The following NCAPG2 variants were observed in gnomAD, a reference collection of about 807,000 sequenced individuals.
NCAPG2 encodes condensin-2 complex subunit G2.
NCAPG2 carries 53 observed loss-of-function variants against 141.1 expected under a neutral mutation model. The observed-to-expected ratio is 0.38, with a 90% confidence interval of 0.30 to 0.47. The LOEUF (loss-of-function observed/expected upper bound fraction) is 0.47. Among genes scored for constraint, NCAPG2 ranks in the 20% least tolerant of loss-of-function variants. NCAPG2 has a pLI of 0.99. For synonymous variants in NCAPG2, 499 were observed against 490.7 expected (o/e 1.02, Z -0.22); for missense variants, 1,087 against 1,389.0 (o/e 0.78, Z 3.46).
At chr7:158,643,267 G>A (rs964760987) in intron 27 of NCAPG2, among the ~76,000 whole-genome samples, 1 of 152,130 alleles carries the variant, frequency 6.6e-6, no homozygotes, top group African/African-American at 2.4e-5. Context: ...TTTTAGTAGA[G>A]ACAGGGTTTT....
chr7:158,641,464 C>A, intron 27 of NCAPG2: 1 of 656,162 alleles, frequency 1.5e-6, no homozygotes, highest in South Asian at 1.7e-5. Context: ...GCCTGCAGTC[C>A]TAGCCAATTG....
chr7:158,684,334 T>A (rs4909260), intron 8 of NCAPG2, among the ~76,000 whole-genome samples: 69,668 of 152,148 alleles, frequency 0.46, 19,055 homozygotes, highest in Non-Finnish European at 0.6. Flanking sequence ...GCCAATGGCA[T>A]AGATTTTAAG....
At chr7:158,664,036 C>T in intron 15 of NCAPG2, 148 bp downstream of exon 15, 2 of 672,536 alleles carry the variant, frequency 3.0e-6, no homozygotes, top group Non-Finnish European at 5.1e-6. Context: ...AATTCTTTCA[C>T]AAATGTTATT....
At chr7:158,660,923 C>T (rs1179008447) in intron 16 of NCAPG2, among the ~76,000 whole-genome samples, 5 of 152,100 alleles carry the variant, frequency 3.3e-5, no homozygotes, top group Admixed American at 3.3e-4. Flanking sequence ...TCCCTTTGTG[C>T]TTGGCTCTCA....
intron 13 of NCAPG2, 49 bp downstream of exon 13, chr7:158,671,463 AAC>A: frequency 6.2e-7 from 1 of 1,600,104 alleles, no homozygotes; most frequent in Non-Finnish European, 8.6e-7. Context: ...CTGTTTGATG[AAC>A]ACATGTCCCT....
chr7:158,654,258 C>T (rs1427280978), intron 22 of NCAPG2, among the ~76,000 whole-genome samples: 2 of 152,170 alleles, frequency 1.3e-5, no homozygotes, highest in African/African-American at 4.8e-5. Flanking sequence ...GAGCACATGA[C>T]CAGAGCAGAG....
intron 15 of NCAPG2, among the ~76,000 whole-genome samples, chr7:158,663,803 T>G (rs956814029): frequency 6.6e-6 from 1 of 152,244 alleles, no homozygotes; most frequent in African/African-American, 2.4e-5. Flanking sequence ...TCTAATATAA[T>G]TGGTTGCTTT....
chr7:158,690,090 A>G, intron 5 of NCAPG2, 137 bp from the exon 6 acceptor site: 1 of 957,382 alleles, frequency 1.0e-6, no homozygotes, highest in Non-Finnish European at 1.4e-6. Flanking sequence ...ACAAATAAAA[A>G]CAGATTTTAA....
chr7:158,700,710 T>C (rs372850743), intron 2 of NCAPG2, among the ~76,000 whole-genome samples: 3 of 152,048 alleles, frequency 2.0e-5, no homozygotes, highest in African/African-American at 7.2e-5. Flanking sequence ...GAAAAATGAT[T>C]TCTTAAATGT....
chr7:158,658,909 G>T (rs1321235001), intron 16 of NCAPG2, among the ~76,000 whole-genome samples: 2 of 152,014 alleles, frequency 1.3e-5, no homozygotes, highest in African/African-American at 4.8e-5. Flanking sequence ...GGGGCATAGT[G>T]GCTCATGCCT....
In NCAPG2 at chr7:158,658,390, G is replaced by A. The variant is rs1832190578; in HGVS notation, c.2008C>T (p.Pro670Ser). The A allele has an allele frequency of 1.1e-5, 17 of 1,611,626 alleles. No homozygotes were observed. Among genetic ancestry groups the A allele is most frequent in the Non-Finnish European group, 1.4e-5 (17 of 1,178,648 alleles). ...ATAAAGGACATTAGCATGAATAAAG[G>A]GATCTTGCAGCGATCATCCTAAAAG... ...KVFKDDRCKI[P>S]LFMLMSFMPA... The change falls in exon 17 of 28, where the codon CCT becomes TCT. Residue 670 changes from proline to serine, a missense_variant. By Grantham distance (74) the Pro-to-Ser change is moderately conservative. Coordinates refer to ENST00000356309, the MANE Select transcript of NCAPG2 (RefSeq NM_017760.7).
Position 158,633,692 on chromosome 7 carries a change from C to T in NCAPG2, c.3381-1975G>A, listed in dbSNP as rs540436168. On this transcript the variant is annotated intron_variant, in intron 27 of 27. Coordinates refer to ENST00000356309, the MANE Select transcript of NCAPG2 (RefSeq NM_017760.7). This position sits in a 1 kb window ranked among gnomAD's most constrained non-coding sequence, Gnocchi z 4.1. ...GCAACTGCCTGGCTCAGCAGCAGTG[C>T]AGCCAGAGGCAAGACAGAGGAGAAC... Among the ~76,000 whole-genome samples, 1 of 152,228 alleles carries T rather than the reference C, an allele frequency of 6.6e-6. No individual in the cohort carries two copies. The highest frequency in any genetic ancestry group is 1.5e-5 in the Non-Finnish European group (1 of 68,034).
intron 27 of NCAPG2, chr7:158,640,445 A>G (rs979763075): frequency 3.9e-5 from 6 of 152,208 alleles, no homozygotes; most frequent in African/African-American, 1.4e-4. Flanking sequence ...AGGTACAAGA[A>G]TCGTTTGAAC....
rs146105755 is a variant in NCAPG2 at position 158,644,150 on chromosome 7, G to C, written c.3380+139C>G. On this transcript the variant is annotated intron_variant, in intron 27 of 27. Coordinates refer to ENST00000356309, the MANE Select transcript of NCAPG2 (RefSeq NM_017760.7). ...CGTAAGCTAAAGGTCTTTGCCAACA[G>C]AAACATTTCTCTCCTTAGAGTCCCC... 9.0e-4 allele frequency: 556 copies of C among 620,066 alleles called. 6 individuals are homozygous for C. The African/African-American group carries it at 9.0e-3, about 10-fold the overall frequency. The allele number at this position is 620,066 out of a possible 1,614,324, so 38.4% of individuals were successfully genotyped here.
Position 158,650,978 on chromosome 7 carries a change from A to G in NCAPG2, c.2935-6T>C, listed in dbSNP as rs1184176560. 1 of 1,567,298 alleles carries G rather than the reference A, an allele frequency of 6.4e-7. No homozygotes were observed. Among genetic ancestry groups the G allele is most frequent in the Non-Finnish European group, 8.6e-7 (1 of 1,164,376 alleles). ...CTCTGAACAGAATAAAGCAGCTACA[A>G]GAAAACACATACGTCACTTTTAATG... On this transcript the variant is annotated splice_region_variant and splice_polypyrimidine_tract_variant and intron_variant, in intron 23 of 27. Transcript: ENST00000356309.
At chr7:158,681,483 G>A (rs1156811539) in intron 9 of NCAPG2, among the ~76,000 whole-genome samples, 2 of 152,044 alleles carry the variant, frequency 1.3e-5, no homozygotes, top group Non-Finnish European at 2.9e-5. Flanking sequence ...CACCTTTTGG[G>A]GCTAAACTTT....
chr7:158,668,343 A>ACTGGGTCCCTCCGCCCTCCTTACCGACC (rs1833416487), intron 13 of NCAPG2: 1 of 908,780 alleles, frequency 1.1e-6, no homozygotes, highest in African/African-American at 2.9e-5. Context: ...CTTACCCACA[A>ACTGGGTCCCTCCGCCCTCCTTACCGACC]CTGGGTCCCT....
At chr7:158,640,108 T>A (rs952892590) in intron 27 of NCAPG2, 1 of 143,000 alleles carries the variant, frequency 7.0e-6, no homozygotes, top group Non-Finnish European at 1.5e-5. Context: ...ATATTCAACC[T>A]ACAGAAAAAT....
At chr7:158,677,525 C>CAAAAAAAAAAAAAAAAAAAA in intron 11 of NCAPG2, among the ~76,000 whole-genome samples, 11 of 90,404 alleles carry the variant, frequency 1.2e-4, no homozygotes, top group Admixed American at 3.4e-4. Context: ...AAAAATAAAG[C>CAAAAAAAAAAAAAAAAAAAA]AAAAAAAAAA....
Sources: gnomAD v4.1 joint callset for allele counts (sites outside exome capture counted in the v4.1 genomes callset) on GRCh38, gnomAD v4.1.1 for gene constraint, Gnocchi (gnomAD v3.1) non-coding constraint, MANE v1.5 for transcripts, NCBI Gene and HGNC (gene_info 2026-07-23, HGNC 2026-07-21) for gene names.